Variants in POLD3 observed in about 807,000 individuals in gnomAD.
POLD3 encodes the protein DNA polymerase delta 3, accessory subunit.
A neutral mutation model predicts 58.2 loss-of-function variants in POLD3; 19 were observed. The ratio of observed to expected loss-of-function variants is 0.33; its 90% CI spans 0.23 to 0.48. POLD3 has a LOEUF of 0.48. Among genes scored for constraint, POLD3 ranks in the 20% least tolerant of loss-of-function variants. POLD3 has a pLI of 0.99. For synonymous variants in POLD3, 172 were observed against 193.5 expected, an observed-to-expected ratio of 0.89 and a Z score of 0.92; for missense variants, 504 against 545.5, an observed-to-expected ratio of 0.92 and a Z score of 0.76.
chr11:74,630,420 G>A (rs1055429058), intron 9 of POLD3, among the ~76,000 whole-genome samples: 4 of 152,182 alleles, frequency 2.6e-5, no homozygotes, highest in South Asian at 4.1e-4. Flanking sequence ...TGTGATAAAG[G>A]TGTAGCATCT....
Position 74,594,124 on chromosome 11 carries a change from C to T in POLD3, c.116+8C>T. 1.3e-6 allele frequency: 2 copies of T among 1,525,428 alleles called. No individual in the cohort carries two copies. Among genetic ancestry groups the T allele is most frequent in the Non-Finnish European group, 1.8e-6 (2 of 1,099,358 alleles). The allele number at this position is 1,525,428 out of a possible 1,614,324, so 94.5% of individuals were successfully genotyped here. ...TGTTAACCAGGCCAAACAGTAAGTC[C>T]AATTTACTACCAATTTTAATCATAT... On this transcript the variant is annotated splice_region_variant and intron_variant, in intron 2 of 11. Coordinates refer to ENST00000263681, the MANE Select transcript of POLD3 (RefSeq NM_006591.3).
downstream of POLD3, among the ~76,000 whole-genome samples, chr11:74,647,877 AATTAT>A (rs1227839746): frequency 1.3e-5 from 2 of 152,140 alleles, no homozygotes; most frequent in Non-Finnish European, 2.9e-5. Flanking sequence ...AATATGCTAT[AATTAT>A]ATTATAATAA....
intron 5 of POLD3, among the ~76,000 whole-genome samples, chr11:74,615,405 C>G (rs931658586): frequency 6.6e-6 from 1 of 152,160 alleles, no homozygotes; most frequent in African/African-American, 2.4e-5. Flanking sequence ...TCAACAATGT[C>G]AAACAATGCT....
chr11:74,655,932 G>A (rs928184447), intron 4 of POLD3, among the ~76,000 whole-genome samples: 6 of 152,078 alleles, frequency 3.9e-5, no homozygotes, highest in African/African-American at 1.4e-4. Flanking sequence ...CAAAGAACAA[G>A]CAAGTAATCT....
intron 2 of POLD3, among the ~76,000 whole-genome samples, chr11:74,601,775 C>CTA (rs1034607531): frequency 2.6e-5 from 4 of 152,056 alleles, no homozygotes; most frequent in African/African-American, 9.7e-5. Context: ...GAGTGAGACT[C>CTA]TATCTCTTAA....
rs1319080479 is a variant in POLD3 at position 74,640,659 on chromosome 11, G to A, written c.1294G>A (p.Val432Met). The change falls in exon 12 of 12, where the codon GTG becomes ATG. Residue 432 changes from valine to methionine, a missense_variant. By Grantham distance (21) the Val-to-Met change is conservative (BLOSUM62 1). Transcript: ENST00000263681. ...AGTACACAGACCCCCTGCCATGACT[G>A]TGAAAAAAGAACCCAGAGAGGAACG... Reference protein sequence around the residue: ...SSVHRPPAMTVKKEPREERKG... With the variant: ...SSVHRPPAMTMKKEPREERKG... The A allele has an allele frequency of 1.9e-6, 3 of 1,612,756 alleles. No homozygotes were observed. In the Admixed American group the frequency reaches 5.0e-5, roughly 27 times the overall value.
rs1202426924 is a variant in POLD3, at chr11:74,665,391, A to ATTTTTT, written c.370-3368_370-3363dup. Among the ~76,000 whole-genome samples, 305 of 83,312 alleles carry ATTTTTT rather than the reference A, an allele frequency of 3.7e-3. 18 individuals carry two copies. The highest frequency in any genetic ancestry group is 0.014 in the African/African-American group (276 of 19,964). The allele number at this position is 83,312 out of a possible 152,430, so 54.7% of individuals were successfully genotyped here. Reference sequence around the variant, plus strand: ...TGACAAAATCTAGCACCCTTTTATAATTTTTTTTTTTTTTTTTTTTTTTGA... The same window carrying ATTTTTT: ...TGACAAAATCTAGCACCCTTTTATAATTTTTTTTTTTTTTTTTTTTTTTTTTTTTGA... On this transcript the variant is annotated intron_variant, in intron 4 of 4. Coordinates refer to the POLD3 transcript ENST00000524752.
At chr11:74,604,531 CTTT>C in intron 2 of POLD3, 158 bp from the exon 3 acceptor site, 3 of 484,644 alleles carry the variant, frequency 6.2e-6, no homozygotes, top group Non-Finnish European at 1.1e-5. Context: ...GAAGTCCATC[CTTT>C]TTTTTTTTCA....
chr11:74,611,570 C>G (rs371193637), intron 4 of POLD3, 32 bp downstream of exon 4: 3 of 1,297,210 alleles, frequency 2.3e-6, no homozygotes, highest in East Asian at 2.4e-5. Flanking sequence ...CAAGTTTTTC[C>G]TCTTATGGCA....
chr11:74,595,275 A>G (rs558708364), intron 2 of POLD3: 1 of 146,850 alleles, frequency 6.8e-6, no homozygotes, highest in Non-Finnish European at 1.5e-5. Context: ...CTACAGGTGT[A>G]CATCACCACA....
chr11:74,604,697 T>C lies in POLD3; in HGVS notation c.122T>C (p.Leu41Pro). 6.4e-7 allele frequency: 1 copy of C among 1,574,326 alleles called. No homozygotes were observed. Among genetic ancestry groups the C allele is most frequent in the Non-Finnish European group, 8.7e-7 (1 of 1,143,656 alleles). ...CCTTCTTTTCTTTGGAATAGGATGCTGTATGATTATGTTGAAAGGAAACGA... is the reference window on the plus strand; with the variant it reads ...CCTTCTTTTCTTTGGAATAGGATGCCGTATGATTATGTTGAAAGGAAACGA... ...GVHVNQAKQM[L>P]YDYVERKRKE... Residue 41 changes from leucine to proline, a missense_variant, in exon 3 of 12, where the codon CTG becomes CCG. Physicochemically the swap from Leu to Pro is moderately conservative, Grantham distance 98. Transcript: ENST00000263681.
chr11:74,649,252 A>T (rs186026594), intron 4 of POLD3, among the ~76,000 whole-genome samples: 3 of 152,322 alleles, frequency 2.0e-5, no homozygotes, highest in African/African-American at 7.2e-5. Context: ...TCTATGCCAG[A>T]TGCTTTCATA....
intron 7 of POLD3, 47 bp from the exon 8 acceptor site, chr11:74,625,361 A>G (rs1448164924): frequency 1.4e-6 from 2 of 1,444,476 alleles, no homozygotes; most frequent in Non-Finnish European, 1.9e-6. Context: ...TGATGTATTA[A>G]TATTGCATGA....
intron 4 of POLD3, chr11:74,652,992 C>G (rs1372681802): frequency 1.3e-5 from 2 of 152,604 alleles, no homozygotes; most frequent in Non-Finnish European, 2.9e-5. Context: ...AGTGGTGTAG[C>G]ATGTTTGCCA....
intron 8 of POLD3, among the ~76,000 whole-genome samples, chr11:74,626,228 A>G (rs1255000859): frequency 1.3e-5 from 2 of 152,160 alleles, no homozygotes; most frequent in Non-Finnish European, 1.5e-5. Context: ...AGAGGGTTAA[A>G]GCTCTGTCCA....
At chr11:74,615,595 G>A (rs1178768454) in intron 5 of POLD3, among the ~76,000 whole-genome samples, 1 of 152,184 alleles carries the variant, frequency 6.6e-6, no homozygotes, top group African/African-American at 2.4e-5. Flanking sequence ...AGAAAAGAGG[G>A]TGGTAGCTAA....
At chr11:74,609,943 A>G (rs982991059) in intron 3 of POLD3, among the ~76,000 whole-genome samples, 5 of 152,128 alleles carry the variant, frequency 3.3e-5, no homozygotes, top group African/African-American at 1.2e-4. Flanking sequence ...ACAAATATTA[A>G]TAGTGCTGTA....
intron 9 of POLD3, among the ~76,000 whole-genome samples, chr11:74,634,219 A>C (rs1266247540): frequency 1.3e-5 from 2 of 152,304 alleles, no homozygotes; most frequent in African/African-American, 2.4e-5. Context: ...TATTTACTGT[A>C]ATGTGCAAAT....
intron 9 of POLD3, among the ~76,000 whole-genome samples, chr11:74,631,477 CTTTTTTTT>C (rs1158260012): frequency 9.1e-6 from 1 of 110,296 alleles, no homozygotes; most frequent in African/African-American, 3.5e-5. Flanking sequence ...TTTGTCTTGT[CTTTTTTTT>C]TTTTTTTTTT....
Sources: gnomAD v4.1 joint callset for allele counts (sites outside exome capture counted in the v4.1 genomes callset) on GRCh38, gnomAD v4.1.1 for gene constraint, MANE v1.5 for transcripts, NCBI Gene and HGNC (gene_info 2026-07-23, HGNC 2026-07-21) for gene names.